GLIS3: variants seen among roughly 807,000 people sequenced by gnomAD.
The protein encoded by GLIS3 is zinc finger protein GLIS3.
GLIS3 carries 53 observed loss-of-function variants against 78.6 expected under a neutral mutation model. The observed-to-expected ratio is 0.67, with a 90% CI of 0.54 to 0.85. The LOEUF is 0.85. Among genes scored for constraint, GLIS3 ranks in the 40% least tolerant of loss-of-function variants. GLIS3 has a pLI of 0.00. For missense variants in GLIS3, 1,703 were observed against 1,231.1 expected (o/e 1.38, Z -5.74); for synonymous variants, 684 against 509.9 (o/e 1.34, Z -4.60).
At chr9:4,136,811 G>C (rs1382308259) in intron 2 of GLIS3, among the ~76,000 whole-genome samples, 1 of 152,174 alleles carries the variant, frequency 6.6e-6, no homozygotes, top group Non-Finnish European at 1.5e-5. Flanking sequence ...CTGAAGAACT[G>C]ATTTAAAAGC....
At chr9:3,984,120 G>A (rs1456934895) in intron 4 of GLIS3, among the ~76,000 whole-genome samples, 1 of 152,170 alleles carries the variant, frequency 6.6e-6, no homozygotes, top group Admixed American at 6.5e-5. Flanking sequence ...GTGCAGAAGG[G>A]AAAGGTGATG....
At chr9:3,964,338 A>G (rs1338734342) in intron 4 of GLIS3, among the ~76,000 whole-genome samples, 5 of 152,260 alleles carry the variant, frequency 3.3e-5, no homozygotes, top group African/African-American at 4.8e-5. Context: ...AATGAAAAAA[A>G]TCTATTACTG....
the GLIS3 span, among the ~76,000 whole-genome samples, chr9:4,372,605 A>C: frequency 3.3e-5 from 5 of 151,908 alleles, no homozygotes; most frequent in Non-Finnish European, 5.9e-5. Context: ...ATTCTAACTT[A>C]AGGAATTTGC....
chr9:4,373,808 C>T, the GLIS3 span, among the ~76,000 whole-genome samples: 2 of 151,862 alleles, frequency 1.3e-5, no homozygotes, highest in Non-Finnish European at 2.9e-5. Context: ...GCTGGGATTA[C>T]AGATGCGCAC....
rs1296573817 is a variant in GLIS3 at position 3,980,342 on chromosome 9, CAG to C, written c.1711-43155_1711-43154del. Among the ~76,000 whole-genome samples, 4 of 152,180 alleles carry C rather than the reference CAG, an allele frequency of 2.6e-5. No homozygotes were observed. The East Asian group carries it at 7.7e-4, about 29-fold the overall frequency. The stretch of plus-strand genomic sequence containing the variant: ...AGAAGTGATACACCAAGAGGAGGCC[CAG>C]GTTCACACTCGACGTAAGTGGCAGA... On this transcript the variant is annotated intron_variant, in intron 4 of 10. Coordinates refer to ENST00000381971, the MANE Select transcript of GLIS3 (RefSeq NM_001042413.2).
chr9:4,412,886 G>A, the GLIS3 span, among the ~76,000 whole-genome samples: 1 of 152,170 alleles, frequency 6.6e-6, no homozygotes, highest in Non-Finnish European at 1.5e-5. Flanking sequence ...GGCATCCAGA[G>A]TTACCTTAGA....
At chr9:3,980,000 T>G (rs1479696315) in intron 4 of GLIS3, among the ~76,000 whole-genome samples, 9 of 152,060 alleles carry the variant, frequency 5.9e-5, no homozygotes, top group Admixed American at 2.6e-4. Flanking sequence ...TGGGGTGGAC[T>G]TGCCGTTTAG....
At chr9:4,407,436 G>C in the GLIS3 span, among the ~76,000 whole-genome samples, 1 of 152,190 alleles carries the variant, frequency 6.6e-6, no homozygotes, top group Non-Finnish European at 1.5e-5. Flanking sequence ...ACGAGGTCAG[G>C]AGATCGAGAC....
intron 2 of GLIS3, among the ~76,000 whole-genome samples, chr9:4,257,801 C>T (rs1424902702): frequency 2.0e-5 from 3 of 152,052 alleles, no homozygotes; most frequent in African/African-American, 7.2e-5. Context: ...TCTCGATCTC[C>T]TGACCTCATG....
At chr9:3,936,901 G>C in intron 5 of GLIS3, 127 bp downstream of exon 5, 11 of 1,297,358 alleles carry the variant, frequency 8.5e-6, no homozygotes, top group Non-Finnish European at 1.1e-5. Flanking sequence ...AGGCTCCACT[G>C]CTGCCCTTGG....
rs1490076876 is a variant in GLIS3 at position 4,139,910 on chromosome 9, A to G, written c.389-13969T>C. Among the ~76,000 whole-genome samples the G allele has an allele frequency of 2.0e-5, 3 of 152,308 alleles. No individual in the cohort carries two copies. The East Asian group carries it at 5.8e-4, about 29-fold the overall frequency. ...CTGGTTCCTAACAGGCCACTGACCCATACAGGTCCACGGCCAGGCAGTTGG... is the reference window on the plus strand; with the variant it reads ...CTGGTTCCTAACAGGCCACTGACCCGTACAGGTCCACGGCCAGGCAGTTGG... On this transcript the variant is annotated intron_variant, in intron 2 of 10. Coordinates refer to ENST00000381971, the MANE Select transcript of GLIS3 (RefSeq NM_001042413.2).
chr9:4,279,192 A>G (rs1827299379), intron 2 of GLIS3, among the ~76,000 whole-genome samples: 1 of 150,558 alleles, frequency 6.6e-6, no homozygotes, highest in Non-Finnish European at 1.5e-5. Context: ...CCAGCTACTC[A>G]TGAGGCTGAC....
chr9:4,101,875 A>G (rs1830396456), intron 4 of GLIS3, among the ~76,000 whole-genome samples: 1 of 152,194 alleles, frequency 6.6e-6, no homozygotes, highest in Non-Finnish European at 1.5e-5. Context: ...TATTCCAATC[A>G]GAAGAATGAA....
chr9:4,300,411 C>CA (rs1462807040), upstream of GLIS3, among the ~76,000 whole-genome samples: 2 of 151,754 alleles, frequency 1.3e-5, no homozygotes, highest in Non-Finnish European at 2.9e-5. Context: ...AACAAACAAC[C>CA]AAAAAAATCC....
chr9:4,222,173 T>A (rs1009582257), intron 2 of GLIS3, among the ~76,000 whole-genome samples: 1 of 152,246 alleles, frequency 6.6e-6, no homozygotes, highest in Non-Finnish European at 1.5e-5. Flanking sequence ...TTCCATCACT[T>A]TGTAAGCTCT....
chr9:3,847,647 C>T (rs1381254094), intron 9 of GLIS3, among the ~76,000 whole-genome samples: 2 of 152,232 alleles, frequency 1.3e-5, no homozygotes, highest in Non-Finnish European at 2.9e-5. Context: ...ATCATTCCAA[C>T]ACCTTTTCTG....
At chr9:4,101,117 T>C (rs62521723) in intron 4 of GLIS3, among the ~76,000 whole-genome samples, 8,919 of 152,282 alleles carry the variant, frequency 0.059, 350 homozygotes, top group Non-Finnish European at 0.091. Context: ...TGGGTCCTGG[T>C]TCACAACCCA....
chr9:4,366,669 G>A, the GLIS3 span, among the ~76,000 whole-genome samples: 2 of 152,242 alleles, frequency 1.3e-5, no homozygotes, highest in Admixed American at 6.5e-5. Context: ...CGATGGCGAC[G>A]AGGAGAGGCC....
the GLIS3 span, among the ~76,000 whole-genome samples, chr9:4,422,246 T>A: frequency 1.3e-5 from 2 of 152,252 alleles, no homozygotes; most frequent in South Asian, 4.1e-4. Flanking sequence ...TCCTATGTGT[T>A]TTATTTTATG....
Sources: allele counts gnomAD v4.1 joint callset (sites outside exome capture counted in the v4.1 genomes callset), GRCh38; gene constraint gnomAD v4.1.1; transcripts MANE v1.5; gene names NCBI Gene and HGNC (gene_info 2026-07-23, HGNC 2026-07-21).